The following LRP1B variants were observed in gnomAD, a reference collection of about 807,000 sequenced individuals.
The protein encoded by LRP1B is LDL receptor related protein 1B.
Under a neutral mutation model 556.6 loss-of-function variants are expected in LRP1B, and 217 were observed. That is an observed-to-expected ratio of 0.39 (90% CI 0.35 to 0.44). The LOEUF is 0.44. LRP1B is among the 20% of genes least tolerant of loss of function. LRP1B has a pLI of 1.00. For synonymous variants in LRP1B, 2,047 were observed against 1,865.8 expected, an observed-to-expected ratio of 1.10 and a Z score of -2.50; for missense variants, 5,053 against 5,620.8, an observed-to-expected ratio of 0.90 and a Z score of 3.23.
intron 1 of LRP1B, among the ~76,000 whole-genome samples, chr2:141,946,897 C>G (rs1367722009): frequency 1.3e-5 from 2 of 152,008 alleles, no homozygotes; most frequent in African/African-American, 4.8e-5. Flanking sequence ...ATGAAAAGCA[C>G]ATTACTCAAG....
intron 35 of LRP1B, among the ~76,000 whole-genome samples, chr2:140,751,361 T>C (rs1662746040): frequency 6.6e-6 from 1 of 152,164 alleles, no homozygotes; most frequent in East Asian, 1.9e-4. Flanking sequence ...TAAATGGAAG[T>C]GAACTATAGC....
intron 2 of LRP1B, among the ~76,000 whole-genome samples, chr2:141,752,048 C>A (rs1694134494): frequency 6.6e-6 from 1 of 151,498 alleles, no homozygotes; most frequent in South Asian, 2.1e-4. Context: ...TATGACTTTT[C>A]CCAATATACA....
intron 2 of LRP1B, among the ~76,000 whole-genome samples, chr2:141,548,992 C>T (rs992146169): frequency 2.6e-5 from 4 of 151,980 alleles, no homozygotes; most frequent in African/African-American, 9.7e-5. Context: ...ATACAGTTAT[C>T]TACTACAGCA....
Position 140,598,760 on chromosome 2 carries a change from T to C in LRP1B, c.7065A>G (p.Gln2355=). The part of the protein sequence containing the change: ...MRSTLTGKNA[Q]VVVSTDILTP... Reference sequence around the variant, plus strand: ...TGAGTATGTCTGTACTGACCACCACTTGAGCATTTTTCCCAGTCAGAGTAG... The same window carrying C: ...TGAGTATGTCTGTACTGACCACCACCTGAGCATTTTTCCCAGTCAGAGTAG... Residue 2355 remains glutamine, a synonymous_variant, in exon 43 of 91, where the codon CAA becomes CAG. Coordinates refer to ENST00000389484, the MANE Select transcript of LRP1B (RefSeq NM_018557.3). 12 of 1,612,954 alleles carry C rather than the reference T, an allele frequency of 7.4e-6. No individual in the cohort carries two copies. Among genetic ancestry groups the C allele is most frequent in the East Asian group, 2.2e-5 (1 of 44,812 alleles).
At chr2:141,804,720 G>T (rs1260774402) in intron 2 of LRP1B, among the ~76,000 whole-genome samples, 1 of 151,996 alleles carries the variant, frequency 6.6e-6, no homozygotes, top group African/African-American at 2.4e-5. Context: ...GGCAGATGGG[G>T]TATAGAGTGG....
chr2:140,569,664 G>C (rs1314569077), intron 43 of LRP1B, among the ~76,000 whole-genome samples: 5 of 151,676 alleles, frequency 3.3e-5, no homozygotes, highest in Non-Finnish European at 7.4e-5. Context: ...AGGAAACATT[G>C]GATTTAAATA....
intron 43 of LRP1B, among the ~76,000 whole-genome samples, chr2:140,557,448 T>C (rs1680774427): frequency 6.6e-6 from 1 of 152,130 alleles, no homozygotes; most frequent in South Asian, 2.1e-4. Flanking sequence ...AAAAAATGTG[T>C]AAAAGTGGCA....
chr2:141,180,548 T>C (rs965461381), intron 7 of LRP1B, among the ~76,000 whole-genome samples: 6 of 151,940 alleles, frequency 3.9e-5, no homozygotes, highest in Admixed American at 2.0e-4. Flanking sequence ...AATGTTCATA[T>C]AGCTTCCAAA....
In LRP1B at chr2:142,008,837, C is replaced by A. The variant is rs143638593; in HGVS notation, c.82+121811G>T. ...AGCTCCTGGTATATAGTTGGTATTT[C>A]ATATATTATTTTATTTATATATGCT... is the stretch of plus-strand genomic sequence containing the variant. On this transcript the variant is annotated intron_variant, in intron 1 of 90. Transcript: ENST00000389484. Among the ~76,000 whole-genome samples the A allele has an allele frequency of 3.9e-5, 6 of 152,154 alleles. No homozygotes were observed. The East Asian group carries it at 1.2e-3, about 30-fold the overall frequency.
At chr2:140,251,891 AGTTACTTGCAAAATACTTT>A (rs1681434676) in intron 86 of LRP1B, among the ~76,000 whole-genome samples, 1 of 151,288 alleles carries the variant, frequency 6.6e-6, no homozygotes, top group South Asian at 2.1e-4. Context: ...AAAAACACAA[AGTTACTTGCAAAATACTTT>A]TTTTCTGGTT....
chr2:141,853,287 A>C (rs1057221147), intron 1 of LRP1B, among the ~76,000 whole-genome samples: 7 of 151,590 alleles, frequency 4.6e-5, no homozygotes, highest in African/African-American at 1.7e-4. Flanking sequence ...ACCTGTTCTT[A>C]AAAAGCTGCC....
chr2:140,868,515 C>A (rs1330617511), intron 25 of LRP1B, among the ~76,000 whole-genome samples: 1 of 151,822 alleles, frequency 6.6e-6, no homozygotes, highest in Admixed American at 6.6e-5. Flanking sequence ...AGGTGACTGA[C>A]CTACTTAGAG....
chr2:140,304,609 C>T (rs532767999), intron 83 of LRP1B, among the ~76,000 whole-genome samples: 116 of 152,054 alleles, frequency 7.6e-4, no homozygotes, highest in Middle Eastern at 3.4e-3. Context: ...GTAGGTTGCC[C>T]GTTCACTCTG....
chr2:141,986,019 G>T (rs1702177276), intron 1 of LRP1B, among the ~76,000 whole-genome samples: 1 of 151,878 alleles, frequency 6.6e-6, no homozygotes, highest in Non-Finnish European at 1.5e-5. Flanking sequence ...AAGAATATTA[G>T]AGAATGATGG....
intron 66 of LRP1B, among the ~76,000 whole-genome samples, chr2:140,433,185 G>A (rs936204390): frequency 1.1e-4 from 17 of 152,156 alleles, no homozygotes; most frequent in South Asian, 1.0e-3. Context: ...TGCAACCACC[G>A]CCTCCTGGGT....
At chr2:140,469,595 GT>G (rs536912620) in intron 60 of LRP1B, among the ~76,000 whole-genome samples, 97 of 152,250 alleles carry the variant, frequency 6.4e-4, no homozygotes, top group Non-Finnish European at 1.2e-3. Flanking sequence ...TAGTGGCTTT[GT>G]TTTTGTGTGT....
intron 49 of LRP1B, among the ~76,000 whole-genome samples, chr2:140,521,540 G>T (rs1690174124): frequency 6.6e-6 from 1 of 151,972 alleles, no homozygotes; most frequent in South Asian, 2.1e-4. Context: ...GCCTGAGGGG[G>T]TTCTTTGAAT....
At chr2:141,832,879 T>G (rs1485517676) in intron 1 of LRP1B, among the ~76,000 whole-genome samples, 1 of 151,882 alleles carries the variant, frequency 6.6e-6, no homozygotes. Context: ...CTAAAAGTTG[T>G]ATCTTTTATT....
At chr2:140,741,894 G>T (rs571270995) in intron 35 of LRP1B, among the ~76,000 whole-genome samples, 11 of 152,212 alleles carry the variant, frequency 7.2e-5, no homozygotes, top group African/African-American at 9.6e-5. Flanking sequence ...ATTAATTTAA[G>T]ATAATAGCCT....
Sources: gnomAD v4.1 joint callset for allele counts (sites outside exome capture counted in the v4.1 genomes callset) on GRCh38, gnomAD v4.1.1 for gene constraint, MANE v1.5 for transcripts, NCBI Gene and HGNC (gene_info 2026-07-23, HGNC 2026-07-21) for gene names.